The following ECE1 variants were observed in gnomAD, a reference collection of about 807,000 sequenced individuals.
The protein encoded by ECE1 is endothelin-converting enzyme 1.
ECE1 carries 35 observed loss-of-function variants against 98.6 expected under a neutral mutation model. The observed-to-expected ratio is 0.35, with a 90% CI of 0.27 to 0.47. The LOEUF (loss-of-function observed/expected upper bound fraction) is 0.47. Among genes scored for constraint, ECE1 ranks in the 20% least tolerant of loss-of-function variants. The probability of loss-of-function intolerance (pLI) is 1.00; values close to 1 mark genes in which losing one functional copy is unlikely to be tolerated. For synonymous variants in ECE1, 394 were observed against 407.1 expected (o/e 0.97, Z 0.39); for missense variants, 814 against 1,025.3 (o/e 0.79, Z 2.81).
At chr1:21,228,692 G>A (rs1018746329) in intron 14 of ECE1, among the ~76,000 whole-genome samples, 9 of 151,920 alleles carry the variant, frequency 5.9e-5, no homozygotes, top group Middle Eastern at 3.2e-3. Flanking sequence ...GGGTGGCTGA[G>A]GCACGAGAAT....
chr1:21,251,283 CAGG>C (rs1171677839), intron 8 of ECE1, among the ~76,000 whole-genome samples: 4 of 152,142 alleles, frequency 2.6e-5, no homozygotes, highest in African/African-American at 7.2e-5. Context: ...GAGGCCAAGA[CAGG>C]AGAATCACCT....
chr1:21,283,395 C>T (rs1404137658), intron 2 of ECE1, among the ~76,000 whole-genome samples: 4 of 151,838 alleles, frequency 2.6e-5, no homozygotes, highest in Non-Finnish European at 5.9e-5. Context: ...CTCAGCGTCC[C>T]GAGTAGCTGG....
rs116521805 is a variant in ECE1 at position 21,315,310 on chromosome 1, C to T, written c.4-25154G>A. On this transcript the variant is annotated intron_variant, in intron 1 of 18. Coordinates refer to the ECE1 transcript ENST00000415912. ...ACCTCCATCCAACTGCAGCTGAATC[C>T]GATGCCTACTGGGGTCCCAACCTTT... Among the ~76,000 whole-genome samples, 765 of 152,314 alleles carry T rather than the reference C, an allele frequency of 5.0e-3. 5 individuals carry two copies. The highest frequency in any genetic ancestry group is 0.016 in the African/African-American group (682 of 41,578).
At chr1:21,231,992 A>T (rs998137410) in intron 14 of ECE1, among the ~76,000 whole-genome samples, 5 of 152,260 alleles carry the variant, frequency 3.3e-5, no homozygotes, top group African/African-American at 1.2e-4. Context: ...AAATTTAAAT[A>T]AAAACATTCA....
chr1:21,320,766 CCCTT>C (rs1221356769), intron 1 of ECE1, among the ~76,000 whole-genome samples: 7 of 152,378 alleles, frequency 4.6e-5, no homozygotes, highest in Non-Finnish European at 8.8e-5. Context: ...TTCTTCCCCA[CCCTT>C]CCTTCATTCT....
intron 2 of ECE1, among the ~76,000 whole-genome samples, chr1:21,283,306 T>C (rs2098257064): frequency 6.6e-6 from 1 of 151,796 alleles, no homozygotes; most frequent in Non-Finnish European, 1.5e-5. Context: ...AGTCTCACTG[T>C]GTCGCCCAGG....
chr1:21,225,121 G>T lies in ECE1; in HGVS notation c.2040+129C>A. On this transcript the variant is annotated intron_variant, in intron 17 of 18. Coordinates refer to ENST00000374893, the MANE Select transcript of ECE1 (RefSeq NM_001397.3). This position sits in a 1 kb window ranked among gnomAD's most constrained non-coding sequence, Gnocchi z 5.3. ...ATTGGTCCTCGCCACCCCCAATTTC[G>T]CAGAAGAGGAAACGGAAGCTCGCAC... is the stretch of plus-strand genomic sequence containing the variant. The T allele has an allele frequency of 1.6e-6, 2 of 1,266,652 alleles. No individual in the cohort carries two copies. The highest frequency in any genetic ancestry group is 2.2e-6 in the Non-Finnish European group (2 of 912,196). The allele number at this position is 1,266,652 out of a possible 1,614,324, so 78.5% of individuals were successfully genotyped here. A position where few individuals can be genotyped will look rare whatever the true frequency, so the allele number is the denominator to read the frequency against.
At position 21,307,766 on chromosome 1, in the gene ECE1, C is replaced by T. The variant is rs1395843064; in HGVS notation, c.4-17610G>A. 6.6e-6 allele frequency among the ~76,000 whole-genome samples: 1 copy of T among 152,142 alleles called. No homozygotes were observed. The highest frequency in any genetic ancestry group is 1.5e-5 in the Non-Finnish European group (1 of 68,026). ...TGCTCCTAGGGCACTGGGCTCCAGA[C>T]AGAAAATGGGAAGGGACAGATAAGC... On this transcript the variant is annotated intron_variant, in intron 1 of 18. Transcript: ENST00000415912. This position sits in a 1 kb window ranked among gnomAD's most constrained non-coding sequence, Gnocchi z 4.2.
chr1:21,345,207 C>T lies in ECE1; in HGVS notation c.3+169G>A. Reference sequence around the variant, plus strand: ...GCCGCCGGGAGAGCCGCGCTCTGCCCGGGCGCTCCCCGACTCCACGCCTTC... The same window carrying T: ...GCCGCCGGGAGAGCCGCGCTCTGCCTGGGCGCTCCCCGACTCCACGCCTTC... On this transcript the variant is annotated intron_variant, in intron 1 of 18. Transcript: ENST00000415912. This position sits in a 1 kb window ranked among gnomAD's most constrained non-coding sequence, Gnocchi z 5.1. The T allele has an allele frequency of 6.5e-6, 6 of 923,578 alleles. No individual in the cohort carries two copies. The highest frequency in any genetic ancestry group is 8.2e-6 in the Non-Finnish European group (6 of 733,968). 57.2% of individuals were successfully genotyped at this position (923,578 alleles called of 1,614,324 possible).
Position 21,290,326 on chromosome 1 carries a change from G to GCCTCCCGCCCC in ECE1, c.51+27_51+37dup. The GCCTCCCGCCCC allele has an allele frequency of 9.1e-7, 1 of 1,095,808 alleles. No individual in the cohort carries two copies. The highest frequency in any genetic ancestry group is 1.1e-6 in the Non-Finnish European group (1 of 899,984). The allele number at this position is 1,095,808 out of a possible 1,614,324, so 67.9% of individuals were successfully genotyped here. ...GCCCGCGCGGGGAGGGGTCCCGCCCGCCTCCCGCCCCCGCCCTCCAGGCCG... is the reference window on the plus strand; with the variant it reads ...GCCCGCGCGGGGAGGGGTCCCGCCCGCCTCCCGCCCCCCTCCCGCCCCCGCCCTCCAGGCCG... On this transcript the variant is annotated intron_variant, in intron 1 of 18. Transcript: ENST00000374893. The surrounding 1 kb of genome is among the most constrained non-coding windows in gnomAD (Gnocchi z 7.3).
Position 21,219,797 on chromosome 1 carries a change from G to C in ECE1, c.*158C>G, listed in dbSNP as rs1284202900. Reference sequence around the variant, plus strand: ...GGGATCAGACTGCGGGTCACGTTGAGAGCCAACACCATGGGCTCGGTTCCG... The same window carrying C: ...GGGATCAGACTGCGGGTCACGTTGACAGCCAACACCATGGGCTCGGTTCCG... On this transcript the variant is annotated 3_prime_UTR_variant, in exon 19 of 19. Coordinates refer to ENST00000374893, the MANE Select transcript of ECE1 (RefSeq NM_001397.3). The surrounding 1 kb of genome is among the most constrained non-coding windows in gnomAD (Gnocchi z 4.5). 1.1e-6 allele frequency: 1 copy of C among 911,828 alleles called. No individual in the cohort carries two copies. Among genetic ancestry groups the C allele is most frequent in the Non-Finnish European group, 1.7e-6 (1 of 587,074 alleles). The allele number at this position is 911,828 out of a possible 1,614,324, so 56.5% of individuals were successfully genotyped here. A position where few individuals can be genotyped will look rare whatever the true frequency, so the allele number is the denominator to read the frequency against.
At chr1:21,276,080 C>T (rs1188592969) in intron 3 of ECE1, among the ~76,000 whole-genome samples, 1 of 133,544 alleles carries the variant, frequency 7.5e-6, no homozygotes, top group Non-Finnish European at 1.5e-5. Context: ...TCACCCAGTG[C>T]AGTGGCATAA....
rs944798714 is a variant in ECE1, at chr1:21,225,108, C to G, written c.2040+142G>C. 13 of 1,136,472 alleles carry G rather than the reference C, an allele frequency of 1.1e-5. No homozygotes were observed. The African/African-American group carries it at 1.8e-4, about 16-fold the overall frequency. 70.4% of individuals were successfully genotyped at this position (1,136,472 alleles called of 1,614,324 possible). The stretch of plus-strand genomic sequence containing the variant: ...GGTCGGCATCGCGATTGGTCCTCGC[C>G]ACCCCCAATTTCGCAGAAGAGGAAA... On this transcript the variant is annotated intron_variant, in intron 17 of 18. Coordinates refer to ENST00000374893, the MANE Select transcript of ECE1 (RefSeq NM_001397.3). The surrounding 1 kb of genome is among the most constrained non-coding windows in gnomAD (Gnocchi z 5.3).
In ECE1 at chr1:21,235,478, C is replaced by T. The variant is rs2103236094; in HGVS notation, c.1566+372G>A. ...GTGTGGGGGTTTTCCCACTTCATAC[C>T]CCACCCCTGATGTCTGAGGGCCACC... On this transcript the variant is annotated intron_variant, in intron 13 of 18. Coordinates refer to ENST00000374893, the MANE Select transcript of ECE1 (RefSeq NM_001397.3). This position sits in a 1 kb window ranked among gnomAD's most constrained non-coding sequence, Gnocchi z 4.2. Among the ~76,000 whole-genome samples the T allele has an allele frequency of 6.6e-6, 1 of 152,234 alleles. No individual in the cohort carries two copies. The highest frequency in any genetic ancestry group is 2.1e-4 in the South Asian group (1 of 4,818).
chr1:21,291,420 G>A (rs763029138), upstream of ECE1, among the ~76,000 whole-genome samples: 25 of 152,206 alleles, frequency 1.6e-4, no homozygotes, highest in Non-Finnish European at 3.2e-4. Flanking sequence ...GAGGGGTGAG[G>A]GGCCTGACGT....
intron 1 of ECE1, among the ~76,000 whole-genome samples, chr1:21,301,073 G>A (rs1638472532): frequency 6.6e-6 from 1 of 152,208 alleles, no homozygotes; most frequent in South Asian, 2.1e-4. Flanking sequence ...AAGAGGGTGT[G>A]TCTCCTCCTG....
upstream of ECE1, among the ~76,000 whole-genome samples, chr1:21,291,832 A>T (rs2098266854): frequency 6.6e-6 from 1 of 151,716 alleles, no homozygotes; most frequent in Non-Finnish European, 1.5e-5. Context: ...ATCTCAAACA[A>T]ACAAACCACA....
At position 21,272,752 on chromosome 1, in the gene ECE1, C is replaced by G. The variant is rs1558404178; in HGVS notation, c.440G>C (p.Gly147Ala). 1 of 1,614,246 alleles carries G rather than the reference C, an allele frequency of 6.2e-7. No homozygotes were observed. ...NPVPDGHSRW[G>A]TFSNLWEHNQ... Reference sequence around the variant, plus strand: ...GTGTTCCCAGAGGTTGCTGAAGGTCCCCCAGCGTGAGTGGCCATCAGGGAC... The same window carrying G: ...GTGTTCCCAGAGGTTGCTGAAGGTCGCCCAGCGTGAGTGGCCATCAGGGAC... Residue 147 changes from glycine to alanine, a missense_variant, in exon 4 of 19, where the codon GGG becomes GCG. By Grantham distance (60) the Gly-to-Ala change is moderately conservative (BLOSUM62 0). Around this residue, in one of 3 missense-constraint regions of ECE1, gnomAD observed 257 missense variants for 278.9 expected, o/e 0.92. Transcript: ENST00000374893.
At chr1:21,342,234 A>G (rs1260150212) in intron 1 of ECE1, among the ~76,000 whole-genome samples, 1 of 152,092 alleles carries the variant, frequency 6.6e-6, no homozygotes, top group Non-Finnish European at 1.5e-5. Flanking sequence ...ACAGCTGCAG[A>G]TGGGGGATGA....
Sources: allele counts gnomAD v4.1 joint callset (sites outside exome capture counted in the v4.1 genomes callset), GRCh38; gene constraint gnomAD v4.1.1; regional missense constraint gnomAD v4.1.1; non-coding constraint Gnocchi (gnomAD v3.1); transcripts MANE v1.5; gene names NCBI Gene and HGNC (gene_info 2026-07-23, HGNC 2026-07-21).